The following IQCK variants were observed in gnomAD, a reference collection of about 807,000 sequenced individuals.
IQCK encodes the protein IQ motif containing K, also known as IQ domain-containing protein K.
IQCK carries 29 observed loss-of-function variants against 28.1 expected under a neutral mutation model. The ratio of observed to expected loss-of-function variants is 1.03; its 90% CI spans 0.77 to 1.41. IQCK has a LOEUF of 1.41. Among genes scored for constraint, IQCK ranks in the 40% most tolerant of loss-of-function variants. IQCK has a pLI of 0.00. For synonymous variants in IQCK, 113 were observed against 115.1 expected, an observed-to-expected ratio of 0.98 and a Z score of 0.12; for missense variants, 359 against 314.7, an observed-to-expected ratio of 1.14 and a Z score of -1.07.
intron 1 of IQCK, 92 bp downstream of exon 1, chr16:19,718,579 ACGGGCGGGGCCGCCGGGCAGCGGCTCCG>A: frequency 8.2e-7 from 1 of 1,212,822 alleles, no homozygotes; most frequent in South Asian, 2.2e-5. Flanking sequence ...CTGTCGGCTG[ACGGGCGGGGCCGCCGGGCAGCGGCTCCG>A]CGGGCCCGGG....
rs753265799 is a variant in IQCK, at chr16:19,857,351, CCTAT to C, written c.*806_*809del. On this transcript the variant is annotated 3_prime_UTR_variant, in exon 10 of 10. Transcript: ENST00000320394. Reference sequence around the variant, plus strand: ...TAAGAACAGCATTTTGAAAATAAAACCTATCTGCCCATGGTTTACAGCCTTTTAA... The same window carrying C: ...TAAGAACAGCATTTTGAAAATAAAACCTGCCCATGGTTTACAGCCTTTTAA... The C allele has an allele frequency of 6.9e-4, 273 of 395,742 alleles. 1 individual carries two copies. Among genetic ancestry groups the C allele is most frequent in the South Asian group, 1.2e-3 (64 of 54,134 alleles). The allele number at this position is 395,742 out of a possible 1,614,324, so 24.5% of individuals were successfully genotyped here. A position where few individuals can be genotyped will look rare whatever the true frequency, so the allele number is the denominator to read the frequency against.
At chr16:19,738,792 C>T (rs777078397) in intron 4 of IQCK, among the ~76,000 whole-genome samples, 6 of 152,154 alleles carry the variant, frequency 3.9e-5, no homozygotes, top group Non-Finnish European at 7.3e-5. Context: ...TGGTGTCACT[C>T]TTGTTCCTTC....
chr16:19,781,055 A>C (rs1240860800), intron 6 of IQCK, among the ~76,000 whole-genome samples: 3 of 152,166 alleles, frequency 2.0e-5, no homozygotes, highest in Non-Finnish European at 4.4e-5. Flanking sequence ...GTGGGGAGGT[A>C]GGTGGTCTGC....
At chr16:19,763,221 C>G (rs78968421) in intron 4 of IQCK, among the ~76,000 whole-genome samples, 1,714 of 152,032 alleles carry the variant, frequency 0.011, 9 homozygotes, top group Non-Finnish European at 0.018. Context: ...ATACTATAGT[C>G]TTATAAGTAA....
chr16:19,831,280 T>C (rs2141097877), downstream of IQCK, among the ~76,000 whole-genome samples: 1 of 152,316 alleles, frequency 6.6e-6, no homozygotes, highest in African/African-American at 2.4e-5. Context: ...TTCAGTTTCC[T>C]CTCTGGGCTT....
chr16:19,724,042 C>T (rs541633075), intron 1 of IQCK, among the ~76,000 whole-genome samples: 1 of 151,866 alleles, frequency 6.6e-6, no homozygotes, highest in African/African-American at 2.4e-5. Flanking sequence ...TCTTTGAGTT[C>T]TGCATTTTAA....
At chr16:19,753,168 C>T (rs1273500549) in intron 4 of IQCK, among the ~76,000 whole-genome samples, 2 of 151,442 alleles carry the variant, frequency 1.3e-5, no homozygotes, top group Admixed American at 1.3e-4. Flanking sequence ...TAATCCCAGA[C>T]ATTTCGAGAT....
In IQCK at chr16:19,764,081, A is replaced by C. The variant is rs149444739; in HGVS notation, c.574A>C (p.Ile192Leu). ...GGAGCCATTCACAGAATTTTTCTCC[A>C]TTCCATTTGTGGAGGAGCGGCTAAA... Residue 192 changes from isoleucine (I) to leucine (L), a missense_variant, in exon 6 of 8, where the codon ATT becomes CTT. Transcript: ENST00000564186. 3.8e-3 allele frequency: 6,159 copies of C among 1,613,842 alleles called. 14 individuals carry two copies. The highest frequency in any genetic ancestry group is 4.7e-3 in the Non-Finnish European group (5,521 of 1,179,828).
At chr16:19,738,703 T>A (rs932362549) in intron 4 of IQCK, among the ~76,000 whole-genome samples, 1 of 152,208 alleles carries the variant, frequency 6.6e-6, no homozygotes, top group African/African-American at 2.4e-5. Context: ...AAGAACTCAA[T>A]ACATGTTAAC....
At chr16:19,832,836 G>C (rs1419263052) in intron 9 of IQCK, among the ~76,000 whole-genome samples, 1 of 152,116 alleles carries the variant, frequency 6.6e-6, no homozygotes, top group Non-Finnish European at 1.5e-5. Context: ...AGGAGAGAGA[G>C]AGAGTGAGGG....
chr16:19,755,272 C>G (rs1232140028), intron 4 of IQCK, among the ~76,000 whole-genome samples: 1 of 152,140 alleles, frequency 6.6e-6, no homozygotes, highest in Non-Finnish European at 1.5e-5. Context: ...TCTCCATCAC[C>G]CTGAATACAA....
chr16:19,758,825 C>A (rs1321296002), intron 4 of IQCK, among the ~76,000 whole-genome samples: 1 of 152,044 alleles, frequency 6.6e-6, no homozygotes, highest in East Asian at 1.9e-4. Flanking sequence ...ACTCAGGCAC[C>A]ACGATATTTT....
chr16:19,731,790 T>G (rs1977848648), intron 2 of IQCK, among the ~76,000 whole-genome samples: 1 of 152,162 alleles, frequency 6.6e-6, no homozygotes, highest in Admixed American at 6.5e-5. Context: ...AGTCCTACAT[T>G]AGGCTGTTTG....
At chr16:19,833,007 G>A (rs1182691173) in intron 9 of IQCK, among the ~76,000 whole-genome samples, 1 of 152,148 alleles carries the variant, frequency 6.6e-6, no homozygotes, top group Admixed American at 6.5e-5. Context: ...TGGGGACACA[G>A]AGCCAAGCCG....
chr16:19,753,039 G>C (rs2055007518), intron 4 of IQCK, among the ~76,000 whole-genome samples: 1 of 150,986 alleles, frequency 6.6e-6, no homozygotes, highest in Admixed American at 6.6e-5. Context: ...TGTCCTATAA[G>C]GCTCAAGTGT....
intron 3 of IQCK, 63 bp from the exon 4 acceptor site, chr16:19,735,290 T>C: frequency 1.8e-6 from 2 of 1,088,746 alleles, no homozygotes; most frequent in Admixed American, 3.5e-5. Context: ...AAGTAAACAT[T>C]TCTCCCAGAT....
At chr16:19,839,691 T>C (rs1375495259) in intron 9 of IQCK, among the ~76,000 whole-genome samples, 1 of 152,068 alleles carries the variant, frequency 6.6e-6, no homozygotes, top group Non-Finnish European at 1.5e-5. Context: ...CCAAACGCTC[T>C]ATGGGCAAGT....
intron 4 of IQCK, chr16:19,761,333 G>A (rs899787639): frequency 1.8e-5 from 8 of 446,646 alleles, no homozygotes; most frequent in Non-Finnish European, 2.7e-5. Flanking sequence ...CATCTCTCTG[G>A]TCTCCTGCTG....
chr16:19,735,283 T>C, intron 3 of IQCK, 70 bp from the exon 4 acceptor site: 1 of 1,047,196 alleles, frequency 9.5e-7, no homozygotes, highest in Non-Finnish European at 1.5e-6. Flanking sequence ...GGCTCAAAAG[T>C]AAACATTTCT....
Sources: allele counts gnomAD v4.1 joint callset (sites outside exome capture counted in the v4.1 genomes callset), GRCh38; gene constraint gnomAD v4.1.1; transcripts MANE v1.5; gene names NCBI Gene and HGNC (gene_info 2026-07-23, HGNC 2026-07-21).